The following YEATS4 variants were observed in gnomAD, a reference collection of about 807,000 sequenced individuals.
YEATS4 encodes YEATS domain-containing protein 4.
In YEATS4, 17 loss-of-function variants were observed where a neutral mutation model predicts 30.1. The ratio of observed to expected loss-of-function variants is 0.56; its 90% CI spans 0.39 to 0.85. YEATS4 has a LOEUF of 0.85. YEATS4 is among the 40% of genes least tolerant of loss of function. YEATS4 has a pLI of 0.00. For synonymous variants in YEATS4, 85 were observed against 87.5 expected (o/e 0.97, Z 0.16); for missense variants, 142 against 268.3 (o/e 0.53, Z 3.29).
At chr12:69,395,748 T>C (rs1484795937), downstream of YEATS4, among the ~76,000 whole-genome samples, 1 of 152,184 alleles carries the variant, frequency 6.6e-6, no homozygotes, top group Non-Finnish European at 1.5e-5. Flanking sequence ...AAATTAAACA[T>C]GACCTGTAAA....
In YEATS4 at chr12:69,362,810, T is replaced by C. The variant is rs751766106; in HGVS notation, c.74T>C (p.Ile25Thr). ...TAGGGTGTTACTATCGTTAAACCAA[T>C]AGTTTACGGTAATGTTGCTCGGTAT... is the stretch of plus-strand genomic sequence containing the variant. Reference protein sequence around the residue: ...RVKGVTIVKPIVYGNVARYFG... With the variant: ...RVKGVTIVKPTVYGNVARYFG... The change falls in exon 2 of 7, where the codon ATA becomes ACA. Residue 25 changes from isoleucine (I) to threonine (T), a missense_variant. By Grantham distance (89) the Ile-to-Thr change is moderately conservative. Transcript: ENST00000247843. 10 of 1,609,584 alleles carry C rather than the reference T, an allele frequency of 6.2e-6. No homozygotes were observed. Among genetic ancestry groups the C allele is most frequent in the African/African-American group, 1.3e-5 (1 of 74,878 alleles).
the YEATS4 span, among the ~76,000 whole-genome samples, chr12:69,406,691 A>T: frequency 6.6e-6 from 1 of 152,156 alleles, no homozygotes; most frequent in African/African-American, 2.4e-5. Flanking sequence ...ATTATATGTC[A>T]TGAACTTTTT....
In YEATS4 at chr12:69,390,092, A is replaced by C. The variant is rs1868299370; in HGVS notation, c.515-55A>C. On this transcript the variant is annotated intron_variant, in intron 6 of 6. Coordinates refer to ENST00000247843, the MANE Select transcript of YEATS4 (RefSeq NM_006530.4). ...GAAATGCCATATTTATTACCCTGTC[A>C]TATATCTTAAACATGTGAGAAAAAT... The C allele has an allele frequency of 2.8e-6, 4 of 1,406,358 alleles. No individual in the cohort carries two copies. In the East Asian group the frequency reaches 9.5e-5, roughly 33 times the overall value. 87.1% of individuals were successfully genotyped at this position (1,406,358 alleles called of 1,614,324 possible).
At chr12:69,365,221 A>C (rs1458841469) in intron 2 of YEATS4, among the ~76,000 whole-genome samples, 1 of 151,994 alleles carries the variant, frequency 6.6e-6, no homozygotes, top group African/African-American at 2.4e-5. Context: ...AGGGCGAGGC[A>C]GGTGGATCAC....
intron 6 of YEATS4, among the ~76,000 whole-genome samples, chr12:69,385,014 AT>A (rs909434635): frequency 1.3e-5 from 2 of 151,244 alleles, no homozygotes. Flanking sequence ...TAGCAAAAGC[AT>A]TTTTTTTTCC....
chr12:69,407,069 C>T, the YEATS4 span, among the ~76,000 whole-genome samples: 2 of 152,160 alleles, frequency 1.3e-5, no homozygotes, highest in Non-Finnish European at 2.9e-5. Flanking sequence ...CCCACCTTGC[C>T]CTCCCAAACT....
the YEATS4 span, among the ~76,000 whole-genome samples, chr12:69,412,677 C>A: frequency 6.6e-6 from 1 of 151,894 alleles, no homozygotes; most frequent in Non-Finnish European, 1.5e-5. Context: ...AATAAAAATA[C>A]AAATAAAAAT....
At chr12:69,427,052 T>C in the YEATS4 span, among the ~76,000 whole-genome samples, 8 of 152,174 alleles carry the variant, frequency 5.3e-5, no homozygotes, top group Non-Finnish European at 1.2e-4. Context: ...CTAATGTCAA[T>C]AAAAGTTACA....
At chr12:69,397,179 C>T in the YEATS4 span, among the ~76,000 whole-genome samples, 206 of 152,208 alleles carry the variant, frequency 1.4e-3, no homozygotes, top group African/African-American at 4.3e-3. Flanking sequence ...AAGGTTGGTT[C>T]GGCATATACA....
At chr12:69,384,883 A>T (rs190919445) in intron 6 of YEATS4, among the ~76,000 whole-genome samples, 2 of 152,248 alleles carry the variant, frequency 1.3e-5, no homozygotes, top group African/African-American at 4.8e-5. Flanking sequence ...GGCAGAAGGT[A>T]TGGACAGACA....
At chr12:69,425,207 G>C in the YEATS4 span, among the ~76,000 whole-genome samples, 74 of 152,172 alleles carry the variant, frequency 4.9e-4, no homozygotes, top group Non-Finnish European at 1.0e-4. Flanking sequence ...ACAGGCATGA[G>C]CCAGCGCGCC....
At chr12:69,402,813 T>C in the YEATS4 span, among the ~76,000 whole-genome samples, 1 of 145,290 alleles carries the variant, frequency 6.9e-6, no homozygotes, top group African/African-American at 2.5e-5. Context: ...GCAACCTCCA[T>C]CTCCTGGGCT....
chr12:69,402,318 G>C, the YEATS4 span, among the ~76,000 whole-genome samples: 1 of 108,632 alleles, frequency 9.2e-6, no homozygotes, highest in Non-Finnish European at 2.0e-5. Context: ...CCTAGATTTG[G>C]CCTAAAATGG....
At chr12:69,410,266 C>T in the YEATS4 span, among the ~76,000 whole-genome samples, 1 of 152,238 alleles carries the variant, frequency 6.6e-6, no homozygotes, top group African/African-American at 2.4e-5. Context: ...CTCCCACTTT[C>T]AGCTCCAGGC....
intron 6 of YEATS4, among the ~76,000 whole-genome samples, chr12:69,387,753 G>T (rs916768797): frequency 6.6e-6 from 1 of 152,202 alleles, no homozygotes; most frequent in Non-Finnish European, 1.5e-5. Context: ...TATATCAGCA[G>T]ACTATTTCTG....
the YEATS4 span, among the ~76,000 whole-genome samples, chr12:69,408,755 A>G: frequency 6.6e-6 from 1 of 152,212 alleles, no homozygotes; most frequent in Non-Finnish European, 1.5e-5. Flanking sequence ...TTGTCCATCA[A>G]TGTGAAGTTA....
the YEATS4 span, among the ~76,000 whole-genome samples, chr12:69,420,537 C>A: frequency 6.6e-6 from 1 of 151,692 alleles, no homozygotes; most frequent in African/African-American, 2.4e-5. Context: ...GAGGGAGAGA[C>A]AGGGACAGAG....
In YEATS4 at chr12:69,389,729, T is replaced by G. The variant is rs966699247; in HGVS notation, c.515-418T>G. Among the ~76,000 whole-genome samples the G allele has an allele frequency of 5.3e-4, 81 of 151,986 alleles. 1 individual carries two copies. Among genetic ancestry groups the G allele is most frequent in the Admixed American group, 5.3e-3 (81 of 15,258 alleles). On this transcript the variant is annotated intron_variant, in intron 6 of 6. Coordinates refer to ENST00000247843, the MANE Select transcript of YEATS4 (RefSeq NM_006530.4). ...GGTTTTGCTATGTTGGCCAGGTTGG[T>G]CTCGAACTCCTGACCTCAAGTGATC...
the YEATS4 span, chr12:69,422,738 A>C: frequency 6.5e-6 from 1 of 153,850 alleles, no homozygotes; most frequent in African/African-American, 2.4e-5. Context: ...ACTGCACCCA[A>C]TGTGTGCCCA....
Sources: gnomAD v4.1 joint callset for allele counts (sites outside exome capture counted in the v4.1 genomes callset) on GRCh38, gnomAD v4.1.1 for gene constraint, MANE v1.5 for transcripts, NCBI Gene and HGNC (gene_info 2026-07-23, HGNC 2026-07-21) for gene names.